ZFHX3: variants seen among roughly 807,000 people sequenced by gnomAD.
The protein encoded by ZFHX3 is zinc finger homeobox protein 3.
A neutral mutation model predicts 279.1 loss-of-function variants in ZFHX3; 42 were observed. That is an observed-to-expected ratio of 0.15 (90% CI 0.12 to 0.19). The LOEUF is 0.19. Among genes scored for constraint, ZFHX3 ranks in the 10% least tolerant of loss-of-function variants. ZFHX3 has a pLI of 1.00. For missense variants in ZFHX3, 4,981 were observed against 4,754.0 expected, an observed-to-expected ratio of 1.05 and a Z score of -1.40; for synonymous variants, 2,293 against 1,957.8, an observed-to-expected ratio of 1.17 and a Z score of -4.52.
At chr16:73,743,936 A>G (rs1451406478) in intron 1 of ZFHX3, among the ~76,000 whole-genome samples, 3 of 152,166 alleles carry the variant, frequency 2.0e-5, no homozygotes, top group Non-Finnish European at 4.4e-5. Flanking sequence ...CCCCATGAAA[A>G]GCTGAGTCAT....
chr16:73,641,851 A>G (rs565378331), intron 2 of ZFHX3, among the ~76,000 whole-genome samples: 122 of 152,204 alleles, frequency 8.0e-4, no homozygotes, highest in Non-Finnish European at 1.5e-3. Flanking sequence ...TGCCTGCATT[A>G]CTTTACAAAA....
chr16:73,160,840 T>C (rs1967217139), intron 5 of ZFHX3, among the ~76,000 whole-genome samples: 1 of 151,018 alleles, frequency 6.6e-6, no homozygotes, highest in Non-Finnish European at 1.5e-5. Flanking sequence ...GTACATAATA[T>C]ATTAGATGTA....
At chr16:73,089,782 T>C (rs891578931) in intron 8 of ZFHX3, among the ~76,000 whole-genome samples, 1 of 152,220 alleles carries the variant, frequency 6.6e-6, no homozygotes, top group Admixed American at 6.5e-5. Context: ...AAGCCTTTTG[T>C]TAATGACTGG....
At chr16:73,336,174 C>A (rs1334717778) in intron 3 of ZFHX3, among the ~76,000 whole-genome samples, 3 of 152,324 alleles carry the variant, frequency 2.0e-5, no homozygotes, top group African/African-American at 7.2e-5. Context: ...CTATTATTAA[C>A]CTGCGAAGCA....
chr16:73,870,232 C>T (rs749542925), intron 1 of ZFHX3, among the ~76,000 whole-genome samples: 3 of 152,102 alleles, frequency 2.0e-5, no homozygotes, highest in Non-Finnish European at 2.9e-5. Flanking sequence ...ATTCAGGGAC[C>T]TCGAGAGAAT....
chr16:72,993,718 G>A (rs563209691), intron 1 of ZFHX3, among the ~76,000 whole-genome samples: 1 of 152,206 alleles, frequency 6.6e-6, no homozygotes, highest in South Asian at 2.1e-4. Context: ...ACTGCTGTTT[G>A]CTCACGATAA....
chr16:73,152,845 G>C (rs1052108724), intron 5 of ZFHX3, among the ~76,000 whole-genome samples: 1 of 151,518 alleles, frequency 6.6e-6, no homozygotes, highest in African/African-American at 2.4e-5. Flanking sequence ...GGGAGTAATC[G>C]CGAGAAGAGA....
At position 72,796,550 on chromosome 16, in the gene ZFHX3, A is replaced by AGGGGGGGGGGGGGGGGGGGGG; in HGVS notation, c.6131_6132insCCCCCCCCCCCCCCCCCCCCC (p.Pro2044_Pro2050dup). 4.7e-6 allele frequency: 1 copy of AGGGGGGGGGGGGGGGGGGGGG among 214,616 alleles called. No individual in the cohort carries two copies. Among genetic ancestry groups the AGGGGGGGGGGGGGGGGGGGGG allele is most frequent in the Non-Finnish European group, 7.7e-6 (1 of 129,204 alleles). 13.3% of individuals were successfully genotyped at this position (214,616 alleles called of 1,614,324 possible). ...CCGGAAGTGGGGGTGGAGGGGGTGGAGGGGGAGGTGGTGGTGGCTCTGGGG... is the reference window on the plus strand; with the variant it reads ...CCGGAAGTGGGGGTGGAGGGGGTGGAGGGGGGGGGGGGGGGGGGGGGGGGGGAGGTGGTGGTGGCTCTGGGG... On this transcript the variant is annotated inframe_insertion, in exon 9 of 10. Transcript: ENST00000268489.
chr16:73,802,681 T>C (rs189205755), intron 1 of ZFHX3, among the ~76,000 whole-genome samples: 216 of 152,290 alleles, frequency 1.4e-3, no homozygotes, highest in Admixed American at 2.8e-3. Flanking sequence ...TGCCCTTTTT[T>C]GATGGACACC....
intron 2 of ZFHX3, among the ~76,000 whole-genome samples, chr16:73,497,213 A>T (rs546496071): frequency 6.6e-6 from 1 of 152,342 alleles, no homozygotes; most frequent in Non-Finnish European, 1.5e-5. Context: ...TCTCCGACTG[A>T]CAAGCTTATG....
At chr16:73,831,277 A>G (rs746586639) in intron 1 of ZFHX3, among the ~76,000 whole-genome samples, 2 of 152,194 alleles carry the variant, frequency 1.3e-5, no homozygotes, top group Non-Finnish European at 2.9e-5. Context: ...CTCCTATTTC[A>G]GAGTCTGGTA....
intron 1 of ZFHX3, among the ~76,000 whole-genome samples, chr16:73,865,823 C>CAA (rs57165743): frequency 5.7e-4 from 79 of 138,470 alleles, no homozygotes; most frequent in African/African-American, 1.9e-3. Flanking sequence ...ACTAAAAATA[C>CAA]AAAAAAAAAA....
At chr16:73,091,142 TGG>T (rs1034279168) in intron 8 of ZFHX3, among the ~76,000 whole-genome samples, 6 of 131,076 alleles carry the variant, frequency 4.6e-5, no homozygotes, top group African/African-American at 1.8e-4. Context: ...ACCCGGGAGG[TGG>T]GGCTTGCAGT....
At chr16:73,385,569 C>T (rs761680102) in intron 3 of ZFHX3, among the ~76,000 whole-genome samples, 2 of 152,260 alleles carry the variant, frequency 1.3e-5, no homozygotes, top group South Asian at 2.1e-4. Flanking sequence ...AATCCTGCTA[C>T]GAGTCAACTG....
chr16:73,360,378 G>A (rs896569538), intron 3 of ZFHX3, among the ~76,000 whole-genome samples: 24 of 152,176 alleles, frequency 1.6e-4, no homozygotes, highest in African/African-American at 5.3e-4. Flanking sequence ...TTACTCTGTT[G>A]CCCAGGCTGG....
rs745443545 is a variant in ZFHX3 at position 72,787,976 on chromosome 16, G to T, written c.10300C>A (p.Leu3434Ile). 2.5e-6 allele frequency: 4 copies of T among 1,613,724 alleles called. No homozygotes were observed. The highest frequency in any genetic ancestry group is 3.4e-6 in the Non-Finnish European group (4 of 1,180,000). The change falls in exon 10 of 10, where the codon CTC becomes ATC. Residue 3434 changes from leucine (L) to isoleucine (I), a missense_variant. Leu to Ile is a conservative substitution (Grantham distance 5, BLOSUM62 2). Around this residue, in one of 7 missense-constraint regions of ZFHX3, gnomAD observed 1,034 missense variants for 786.0 expected, o/e 1.32. Transcript: ENST00000268489. ...QKNTPREVSP[L>I]LPKLPEEPEA... The stretch of plus-strand genomic sequence containing the variant: ...GGCTCTTCAGGGAGTTTCGGCAGGA[G>T]GGGGGACACCTCACGGGGGGTGTTT...
At position 72,894,651 on chromosome 16, in the gene ZFHX3, C is replaced by T. The variant is rs962558157; in HGVS notation, c.3217-4689G>A. Among the ~76,000 whole-genome samples, 11 of 152,224 alleles carry T rather than the reference C, an allele frequency of 7.2e-5. No homozygotes were observed. The East Asian group carries it at 2.1e-3, about 29-fold the overall frequency. On this transcript the variant is annotated intron_variant, in intron 3 of 9. Transcript: ENST00000268489. The stretch of plus-strand genomic sequence containing the variant: ...GGAGGGAGAATAATTTGTTCCTGAC[C>T]CAGCTAATTAGAATACCCTCAATTG...
chr16:73,791,438 T>G (rs150930953), intron 1 of ZFHX3, among the ~76,000 whole-genome samples: 8,676 of 152,160 alleles, frequency 0.057, 830 homozygotes, highest in African/African-American at 0.19. Context: ...TTTTTTAATT[T>G]TTTTTGAGAT....
chr16:73,474,714 A>G (rs941859591), intron 2 of ZFHX3, among the ~76,000 whole-genome samples: 1 of 152,178 alleles, frequency 6.6e-6, no homozygotes, highest in African/African-American at 2.4e-5. Context: ...CTCTGGAACT[A>G]GACTATACAC....
Sources: allele counts gnomAD v4.1 joint callset (sites outside exome capture counted in the v4.1 genomes callset), GRCh38; gene constraint gnomAD v4.1.1; regional missense constraint gnomAD v4.1.1; transcripts MANE v1.5; gene names NCBI Gene and HGNC (gene_info 2026-07-23, HGNC 2026-07-21).